The following DTNA variants were observed in gnomAD, a reference collection of about 807,000 sequenced individuals.
DTNA encodes dystrobrevin alpha.
DTNA carries 43 observed loss-of-function variants against 100.7 expected under a neutral mutation model. That is an observed-to-expected ratio of 0.43 (90% CI 0.33 to 0.55). The LOEUF is 0.55. Among genes scored for constraint, DTNA ranks in the 20% least tolerant of loss-of-function variants. The pLI is 0.04. For synonymous variants in DTNA, 349 were observed against 347.9 expected (o/e 1.00, Z -0.04); for missense variants, 798 against 953.9 (o/e 0.84, Z 2.15).
intron 1 of DTNA, among the ~76,000 whole-genome samples, chr18:34,615,086 T>G (rs1490066029): frequency 6.6e-6 from 1 of 152,216 alleles, no homozygotes; most frequent in Non-Finnish European, 1.5e-5. Flanking sequence ...GACTTATGGT[T>G]CTACAGGCTG....
At position 34,891,388 on chromosome 18, in the gene DTNA, T is replaced by C. The variant is rs2096963800; in HGVS notation, c.*3654T>C. ...GGAATAATTTCTTCATTAAAAAATG[T>C]TTTTAAAAACACTATATCTTGGGTG... On this transcript the variant is annotated 3_prime_UTR_variant, in exon 23 of 23. Transcript: ENST00000444659. The C allele has an allele frequency of 2.6e-5, 4 of 152,588 alleles. No homozygotes were observed. The highest frequency in any genetic ancestry group is 4.4e-5 in the Non-Finnish European group (3 of 68,040). 9.5% of individuals were successfully genotyped at this position (152,588 alleles called of 1,614,324 possible).
Position 34,820,866 on chromosome 18 carries a change from C to T in DTNA, c.952C>T (p.Pro318Ser), listed in dbSNP as rs2095697304. Residue 318 changes from proline to serine, a missense_variant, in exon 9 of 23, where the codon CCC becomes TCC. This residue lies in a region of DTNA where 93 missense variants were observed against 90.5 expected (regional missense o/e 1.03). Coordinates refer to ENST00000444659, the MANE Select transcript of DTNA (RefSeq NM_001386795.1). Reference sequence around the variant, plus strand: ...TGCTTCCAGCCGTGAACCTTTGCACCCCATGTTCCCAGATCAGCCTGAGAA... The same window carrying T: ...TGCTTCCAGCCGTGAACCTTTGCACTCCATGTTCCCAGATCAGCCTGAGAA... ...SCASSREPLH[P>S]MFPDQPEKPL... is the part of the protein sequence containing the mutation. 3 of 1,613,974 alleles carry T rather than the reference C, an allele frequency of 1.9e-6. No homozygotes were observed. Among genetic ancestry groups the T allele is most frequent in the African/African-American group, 2.7e-5 (2 of 74,898 alleles).
chr18:34,535,308 C>T (rs1454872940), intron 1 of DTNA, among the ~76,000 whole-genome samples: 1 of 151,936 alleles, frequency 6.6e-6, no homozygotes, highest in Non-Finnish European at 1.5e-5. Context: ...AGTGTCTGTT[C>T]ATATTGTTTG....
At chr18:34,581,865 G>C (rs1000998762) in intron 1 of DTNA, among the ~76,000 whole-genome samples, 2 of 151,782 alleles carry the variant, frequency 1.3e-5, no homozygotes, top group African/African-American at 4.8e-5. Flanking sequence ...CTCGTGATCC[G>C]CCCACCTCGG....
intron 2 of DTNA, among the ~76,000 whole-genome samples, chr18:34,758,500 T>A (rs949380815): frequency 6.6e-6 from 1 of 152,142 alleles, no homozygotes; most frequent in Non-Finnish European, 1.5e-5. Context: ...TGGGGAAAAA[T>A]ACTGGAGGAC....
intron 1 of DTNA, among the ~76,000 whole-genome samples, chr18:34,555,501 T>C (rs1468264399): frequency 6.6e-6 from 1 of 152,180 alleles, no homozygotes; most frequent in Non-Finnish European, 1.5e-5. Flanking sequence ...CTGCTTTCTC[T>C]TGTGGACATT....
chr18:34,806,512 A>G (rs2095364865), intron 5 of DTNA, among the ~76,000 whole-genome samples: 1 of 152,194 alleles, frequency 6.6e-6, no homozygotes, highest in Admixed American at 6.6e-5. Context: ...GTTTTCCTCT[A>G]CTTATAACCT....
chr18:34,706,262 T>C (rs929720726), upstream of DTNA, among the ~76,000 whole-genome samples: 1 of 152,216 alleles, frequency 6.6e-6, no homozygotes, highest in Non-Finnish European at 1.5e-5. Context: ...ATTTTTAATG[T>C]ATGAAGAAAT....
chr18:34,615,174 G>T (rs2054999548), intron 1 of DTNA, among the ~76,000 whole-genome samples: 1 of 152,132 alleles, frequency 6.6e-6, no homozygotes, highest in African/African-American at 2.4e-5. Flanking sequence ...AGGCAAAGCA[G>T]GAGCAGGCAC....
intron 1 of DTNA, among the ~76,000 whole-genome samples, chr18:34,688,789 T>C (rs1034640444): frequency 1.3e-5 from 2 of 152,190 alleles, no homozygotes; most frequent in Non-Finnish European, 2.9e-5. Context: ...CAATCAAACG[T>C]AGATTTTGTC....
At position 34,848,392 on chromosome 18, in the gene DTNA, T is replaced by C. The variant is rs779214788; in HGVS notation, c.1434+9T>C. On this transcript the variant is annotated intron_variant, in intron 14 of 22. Transcript: ENST00000444659. ...CAGAGTCCTCTTCGTCTGTAAGTAG[T>C]TGGAGTAAAAGGATTCGTCTGTTGG... The C allele has an allele frequency of 3.7e-6, 6 of 1,613,784 alleles. No individual in the cohort carries two copies. Among genetic ancestry groups the C allele is most frequent in the South Asian group, 2.2e-5 (2 of 91,048 alleles).
chr18:34,890,534 T>A lies in DTNA; in HGVS notation c.*2800T>A. The A allele has an allele frequency of 6.6e-7, 1 of 1,509,920 alleles. No homozygotes were observed. The highest frequency in any genetic ancestry group is 1.4e-5 in the African/African-American group (1 of 72,354). 93.5% of individuals were successfully genotyped at this position (1,509,920 alleles called of 1,614,324 possible). A position where few individuals can be genotyped will look rare whatever the true frequency, so the allele number is the denominator to read the frequency against. ...TTCTTGTTCCACAATGAATTGCACA[T>A]CCATCTCCATCAGAGCTGATAGCCT... On this transcript the variant is annotated 3_prime_UTR_variant, in exon 23 of 23. Coordinates refer to ENST00000444659, the MANE Select transcript of DTNA (RefSeq NM_001386795.1).
chr18:34,670,808 C>T (rs569928819), intron 1 of DTNA, among the ~76,000 whole-genome samples: 17 of 152,276 alleles, frequency 1.1e-4, no homozygotes, highest in South Asian at 2.1e-4. Flanking sequence ...GGTACTCAGC[C>T]GTGTGAGGTG....
intron 1 of DTNA, among the ~76,000 whole-genome samples, chr18:34,553,953 G>C (rs1454124223): frequency 1.3e-5 from 2 of 149,300 alleles, no homozygotes; most frequent in East Asian, 3.9e-4. Context: ...CATTGAATCT[G>C]TAAATTACCT....
At chr18:34,831,101 A>G (rs1476912292) in intron 11 of DTNA, among the ~76,000 whole-genome samples, 1 of 152,216 alleles carries the variant, frequency 6.6e-6, no homozygotes, top group Non-Finnish European at 1.5e-5. Flanking sequence ...AATCTTAATT[A>G]TCTTGCCATA....
chr18:34,651,262 C>A (rs55869511), intron 1 of DTNA, among the ~76,000 whole-genome samples: 16,336 of 152,126 alleles, frequency 0.11, 1,500 homozygotes, highest in African/African-American at 0.26. Context: ...TTTATGATAT[C>A]ATTTACTTAT....
chr18:34,851,727 A>C, intron 14 of DTNA, 104 bp from the exon 15 acceptor site: 1 of 1,254,112 alleles, frequency 8.0e-7, no homozygotes, highest in Non-Finnish European at 1.1e-6. Context: ...GTTTTGATAG[A>C]AATAATTCCC....
intron 3 of DTNA, among the ~76,000 whole-genome samples, chr18:34,784,181 T>C (rs1475742042): frequency 6.6e-6 from 1 of 152,184 alleles, no homozygotes; most frequent in Non-Finnish European, 1.5e-5. Context: ...TAGCTTTAGA[T>C]GGGGCTCTGA....
intron 1 of DTNA, among the ~76,000 whole-genome samples, chr18:34,628,494 G>A (rs2057645686): frequency 6.6e-6 from 1 of 152,152 alleles, no homozygotes; most frequent in South Asian, 2.1e-4. Flanking sequence ...CCCTTGGCCT[G>A]TACTTACACA....
Sources: allele counts gnomAD v4.1 joint callset (sites outside exome capture counted in the v4.1 genomes callset), GRCh38; gene constraint gnomAD v4.1.1; regional missense constraint gnomAD v4.1.1; transcripts MANE v1.5; gene names NCBI Gene and HGNC (gene_info 2026-07-23, HGNC 2026-07-21).